The following DPP6 variants were observed in gnomAD, a reference collection of about 807,000 sequenced individuals.
The protein encoded by DPP6 is A-type potassium channel modulatory protein DPP6.
A neutral mutation model predicts 122.6 loss-of-function variants in DPP6; 69 were observed. The observed-to-expected ratio is 0.56, with a 90% CI of 0.46 to 0.69. DPP6 has a LOEUF of 0.69. Among genes scored for constraint, DPP6 ranks in the 30% least tolerant of loss-of-function variants. DPP6 has a pLI of 0.00. For missense variants in DPP6, 928 were observed against 1,116.9 expected, an observed-to-expected ratio of 0.83 and a Z score of 2.41; for synonymous variants, 418 against 433.1, an observed-to-expected ratio of 0.97 and a Z score of 0.43.
intron 1 of DPP6, among the ~76,000 whole-genome samples, chr7:154,072,103 G>A (rs1803161123): frequency 6.6e-6 from 1 of 152,176 alleles, no homozygotes; most frequent in South Asian, 2.1e-4. Flanking sequence ...AGTGCAGTGC[G>A]GCTTGGGGAG....
At chr7:154,167,699 C>A (rs2150721513) in intron 1 of DPP6, among the ~76,000 whole-genome samples, 1 of 152,322 alleles carries the variant, frequency 6.6e-6, no homozygotes, top group Admixed American at 6.5e-5. Context: ...CGTTTTATAA[C>A]ATTAGCTGTG....
intron 10 of DPP6, among the ~76,000 whole-genome samples, chr7:154,782,211 A>G (rs1278805512): frequency 1.3e-5 from 2 of 152,220 alleles, no homozygotes; most frequent in African/African-American, 4.8e-5. Flanking sequence ...ATTGGTAGGC[A>G]GATATAGTGC....
chr7:154,778,378 C>T (rs1396011429), intron 10 of DPP6, among the ~76,000 whole-genome samples: 1 of 152,060 alleles, frequency 6.6e-6, no homozygotes, highest in Non-Finnish European at 1.5e-5. Context: ...CTCCAGGCTT[C>T]TCCCCAATAT....
chr7:154,889,266 G>A lies in DPP6; in HGVS notation c.2305-6G>A, dbSNP rs1356511209. On this transcript the variant is annotated splice_region_variant and splice_polypyrimidine_tract_variant and intron_variant, in intron 23 of 25. Coordinates refer to ENST00000377770, the MANE Select transcript of DPP6 (RefSeq NM_130797.4). ...TAACTCTGTCCCCTTGCCCCCGCATGTGCAGATGACCAAGGTAGCCCATCG... is the reference window on the plus strand; with the variant it reads ...TAACTCTGTCCCCTTGCCCCCGCATATGCAGATGACCAAGGTAGCCCATCG... 3 of 1,612,308 alleles carry A rather than the reference G, an allele frequency of 1.9e-6. No homozygotes were observed. Among genetic ancestry groups the A allele is most frequent in the African/African-American group, 1.3e-5 (1 of 74,972 alleles).
intron 1 of DPP6, among the ~76,000 whole-genome samples, chr7:154,076,720 A>G (rs1476800418): frequency 6.6e-6 from 1 of 152,054 alleles, no homozygotes; most frequent in Non-Finnish European, 1.5e-5. Flanking sequence ...CTTTTTAAGC[A>G]TGGCGTGAAA....
chr7:154,695,526 A>G (rs915222973), intron 7 of DPP6, among the ~76,000 whole-genome samples: 11 of 152,202 alleles, frequency 7.2e-5, no homozygotes, highest in African/African-American at 9.7e-5. Flanking sequence ...AATGATTGCT[A>G]TAGTTCAGAG....
intron 3 of DPP6, among the ~76,000 whole-genome samples, chr7:154,525,062 G>A (rs1303181007): frequency 1.3e-5 from 2 of 152,198 alleles, no homozygotes; most frequent in African/African-American, 2.4e-5. Context: ...CAAGTGTGTA[G>A]TTTTGAACAA....
At chr7:154,155,917 G>T (rs550721884) in intron 1 of DPP6, among the ~76,000 whole-genome samples, 1 of 152,160 alleles carries the variant, frequency 6.6e-6, no homozygotes, top group African/African-American at 2.4e-5. Flanking sequence ...ACTCCCAATG[G>T]TTGTCTTAGA....
chr7:154,064,779 G>A (rs1213552099), intron 1 of DPP6, among the ~76,000 whole-genome samples: 1 of 152,158 alleles, frequency 6.6e-6, no homozygotes, highest in Non-Finnish European at 1.5e-5. Flanking sequence ...GTCTACATGT[G>A]AAATCTCATT....
At chr7:153,829,108 T>C in the DPP6 span, among the ~76,000 whole-genome samples, 1 of 152,154 alleles carries the variant, frequency 6.6e-6, no homozygotes, top group Non-Finnish European at 1.5e-5. Context: ...GTAGAAACAA[T>C]ATTTTGCAAT....
chr7:154,120,545 T>G (rs10272686), intron 1 of DPP6, among the ~76,000 whole-genome samples: 2 of 152,106 alleles, frequency 1.3e-5, no homozygotes, highest in African/African-American at 4.8e-5. Flanking sequence ...CGCCCAGCCA[T>G]CTATGTTCAT....
chr7:154,489,821 T>C (rs1824118219), intron 3 of DPP6, among the ~76,000 whole-genome samples: 1 of 152,180 alleles, frequency 6.6e-6, no homozygotes, highest in Non-Finnish European at 1.5e-5. Flanking sequence ...TCTCCTGTGC[T>C]CCTGCCTCAG....
At chr7:154,557,166 C>T (rs1264509664) in intron 4 of DPP6, among the ~76,000 whole-genome samples, 1 of 152,168 alleles carries the variant, frequency 6.6e-6, no homozygotes, top group Non-Finnish European at 1.5e-5. Flanking sequence ...CAAGCTTATC[C>T]ACCAGATAAG....
chr7:153,871,318 T>G, the DPP6 span, among the ~76,000 whole-genome samples: 2 of 152,226 alleles, frequency 1.3e-5, no homozygotes, highest in Admixed American at 1.3e-4. Flanking sequence ...GCTTCCCGGC[T>G]GCTTTGTTTA....
At chr7:154,092,340 C>T (rs1804915917) in intron 1 of DPP6, 1 of 152,092 alleles carries the variant, frequency 6.6e-6, no homozygotes, top group South Asian at 2.1e-4. Context: ...AACCTGGCAT[C>T]AACATTCCAG....
At position 154,767,595 on chromosome 7, in the gene DPP6, A is replaced by T. The variant is rs181476783; in HGVS notation, c.884-1822A>T. Among the ~76,000 whole-genome samples, 6 of 152,106 alleles carry T rather than the reference A, an allele frequency of 3.9e-5. No homozygotes were observed. In the East Asian group the frequency reaches 9.7e-4, roughly 25 times the overall value. On this transcript the variant is annotated intron_variant, in intron 8 of 25. Coordinates refer to ENST00000377770, the MANE Select transcript of DPP6 (RefSeq NM_130797.4). Reference sequence around the variant, plus strand: ...GACCTCCACAGGCCTCTGAGCTTCTATTGGCACTGCCAAAGCTTCTGAGGC... The same window carrying T: ...GACCTCCACAGGCCTCTGAGCTTCTTTTGGCACTGCCAAAGCTTCTGAGGC...
At chr7:154,128,342 A>G (rs1199012323) in intron 1 of DPP6, among the ~76,000 whole-genome samples, 2 of 152,222 alleles carry the variant, frequency 1.3e-5, no homozygotes, top group African/African-American at 4.8e-5. Context: ...CACTTGGGGC[A>G]GCTGAGATGG....
intron 1 of DPP6, among the ~76,000 whole-genome samples, chr7:154,023,672 G>C (rs1011867141): frequency 4.6e-5 from 7 of 151,814 alleles, no homozygotes; most frequent in African/African-American, 1.2e-4. Flanking sequence ...AATACAGACA[G>C]GGTTTCACCA....
chr7:154,398,434 G>C (rs1301076199), intron 1 of DPP6, among the ~76,000 whole-genome samples: 2 of 152,210 alleles, frequency 1.3e-5, no homozygotes, highest in African/African-American at 4.8e-5. Context: ...TGCAGTGATA[G>C]TATCGCCTTT....
Sources: gnomAD v4.1 joint callset for allele counts (sites outside exome capture counted in the v4.1 genomes callset) on GRCh38, gnomAD v4.1.1 for gene constraint, MANE v1.5 for transcripts, NCBI Gene and HGNC (gene_info 2026-07-23, HGNC 2026-07-21) for gene names.